SLC25A28: variants seen among roughly 807,000 people sequenced by gnomAD.
The protein encoded by SLC25A28 is mitoferrin-2.
SLC25A28 carries 10 observed loss-of-function variants against 31.9 expected under a neutral mutation model. The ratio of observed to expected loss-of-function variants is 0.31; its 90% CI spans 0.19 to 0.53. SLC25A28 has a LOEUF of 0.53. Ranked by LOEUF, SLC25A28 falls within the 20% of genes least tolerant of loss-of-function variation. The probability of loss-of-function intolerance (pLI) is 0.95; values close to 1 mark genes in which losing one functional copy is unlikely to be tolerated. For missense variants in SLC25A28, 256 were observed against 490.3 expected (o/e 0.52, Z 4.51); for synonymous variants, 208 against 203.6 (o/e 1.02, Z -0.19).
chr10:99,622,040 C>G (rs1432073888), upstream of SLC25A28: 3 of 152,268 alleles, frequency 2.0e-5, no homozygotes, highest in Non-Finnish European at 4.4e-5. Flanking sequence ...CTCTCCCTGG[C>G]CGGCGCAGTG....
the SLC25A28 span, among the ~76,000 whole-genome samples, chr10:99,656,389 C>G: frequency 1.3e-5 from 2 of 152,144 alleles, no homozygotes; most frequent in Non-Finnish European, 2.9e-5. Flanking sequence ...TAGGATGACT[C>G]CCATACAGGT....
intron 1 of SLC25A28, chr10:99,619,149 TA>T (rs2034726533): frequency 3.0e-5 from 30 of 985,442 alleles, no homozygotes; most frequent in Non-Finnish European, 3.5e-5. Context: ...TCAGTACACA[TA>T]AATCATCCTG....
the SLC25A28 span, among the ~76,000 whole-genome samples, chr10:99,638,377 T>A: frequency 4.6e-5 from 7 of 152,178 alleles, no homozygotes; most frequent in African/African-American, 1.4e-4. Context: ...GACATTGGCT[T>A]AGGCAAGGAT....
chr10:99,618,271 T>C (rs1589998263), intron 1 of SLC25A28: 1 of 983,148 alleles, frequency 1.0e-6, no homozygotes, highest in Non-Finnish European at 1.2e-6. Flanking sequence ...CGTTCTGTTA[T>C]AATGGAACAG....
chr10:99,619,960 G>T, intron 1 of SLC25A28, 85 bp downstream of exon 1: 1 of 1,371,134 alleles, frequency 7.3e-7, no homozygotes, highest in South Asian at 1.5e-5. Context: ...GTCGGCTCCG[G>T]CTCTCAGCCG....
the SLC25A28 span, among the ~76,000 whole-genome samples, chr10:99,658,678 A>G: frequency 1.2e-4 from 18 of 152,058 alleles, no homozygotes; most frequent in Admixed American, 9.8e-4. Flanking sequence ...GGAGCGTGGT[A>G]AGGAAGGCAA....
chr10:99,631,895 T>TTTA, the SLC25A28 span, among the ~76,000 whole-genome samples: 4 of 111,674 alleles, frequency 3.6e-5, no homozygotes, highest in Admixed American at 9.3e-5. Flanking sequence ...TTTTTTATTT[T>TTTA]TTTTTTTTTT....
the SLC25A28 span, among the ~76,000 whole-genome samples, chr10:99,645,697 G>A: frequency 6.6e-6 from 1 of 152,094 alleles, no homozygotes; most frequent in African/African-American, 2.4e-5. Context: ...TGGTTTTATC[G>A]ACCTTTGGTT....
At chr10:99,618,033 T>C (rs367721469) in intron 1 of SLC25A28, among the ~76,000 whole-genome samples, 2 of 152,216 alleles carry the variant, frequency 1.3e-5, no homozygotes, top group African/African-American at 4.8e-5. Flanking sequence ...CCACCTTATT[T>C]TGATGCCAAG....
Position 99,613,085 on chromosome 10 carries a change from C to T in SLC25A28, c.521-486G>A, listed in dbSNP as rs577809123. On this transcript the variant is annotated intron_variant, in intron 2 of 3. Transcript: ENST00000370495. The surrounding 1 kb of genome is among the most constrained non-coding windows in gnomAD (Gnocchi z 4.9). ...TTCGTTCAGGTCCTGAACTACTCTA[C>T]CCCTCATCCTCTCCACACTCAACTT... 4.3e-4 allele frequency among the ~76,000 whole-genome samples: 66 copies of T among 152,288 alleles called. No homozygotes were observed. The highest frequency in any genetic ancestry group is 7.5e-4 in the Non-Finnish European group (51 of 68,014).
At chr10:99,617,349 A>G (rs938750461) in intron 1 of SLC25A28, 1 of 985,328 alleles carries the variant, frequency 1.0e-6, no homozygotes, top group Non-Finnish European at 1.2e-6. Flanking sequence ...TCTCAAGGAT[A>G]TTTAAAGTCA....
Position 99,612,548 on chromosome 10 carries a change from G to A in SLC25A28, c.572C>T (p.Ala191Val), listed in dbSNP as rs199663756. ...ATAGGTTGAGGAATCATTACCTTCC[G>A]CAGGGTTCATGGCTGCATCATGAAG... is the stretch of plus-strand genomic sequence containing the variant. ...TLLHDAAMNP[A>V]EVVKQRMQMY... Residue 191 changes from alanine (A) to valine (V), a missense_variant, in exon 3 of 4, where the codon GCG becomes GTG. By Grantham distance (64) the Ala-to-Val change is moderately conservative (BLOSUM62 0). This residue lies in a region of SLC25A28 where 158 missense variants were observed against 379.1 expected (regional missense o/e 0.42). Transcript: ENST00000370495. 96 of 1,613,972 alleles carry A rather than the reference G, an allele frequency of 5.9e-5. No homozygotes were observed. The highest frequency in any genetic ancestry group is 6.9e-5 in the Non-Finnish European group (82 of 1,180,002).
chr10:99,619,997 G>C, intron 1 of SLC25A28, 48 bp downstream of exon 1: 1 of 1,514,570 alleles, frequency 6.6e-7, no homozygotes, highest in Non-Finnish European at 8.8e-7. Flanking sequence ...CAAGACCCAG[G>C]GGTCGGGTCA....
chr10:99,647,233 C>A, the SLC25A28 span, among the ~76,000 whole-genome samples: 1 of 152,164 alleles, frequency 6.6e-6, no homozygotes, highest in Non-Finnish European at 1.5e-5. Flanking sequence ...TTTAAGAAAT[C>A]TCCATACTGT....
the SLC25A28 span, among the ~76,000 whole-genome samples, chr10:99,632,556 T>C: frequency 1.3e-5 from 2 of 152,216 alleles, no homozygotes; most frequent in African/African-American, 2.4e-5. Flanking sequence ...ATTATTACTA[T>C]TATTATAATG....
upstream of SLC25A28, among the ~76,000 whole-genome samples, chr10:99,624,503 C>T (rs886996222): frequency 8.5e-5 from 13 of 152,150 alleles, no homozygotes; most frequent in African/African-American, 1.4e-4. Context: ...TACACACTGT[C>T]GTACATCTCA....
the SLC25A28 span, among the ~76,000 whole-genome samples, chr10:99,641,727 T>A: frequency 1.3e-5 from 2 of 152,244 alleles, no homozygotes; most frequent in African/African-American, 4.8e-5. Context: ...TTAATCCATA[T>A]TGAATTAATT....
At chr10:99,621,617 CT>C (rs1440551075), upstream of SLC25A28, 1 of 152,318 alleles carries the variant, frequency 6.6e-6, no homozygotes, top group Non-Finnish European at 1.5e-5. Flanking sequence ...GCCTTAGGAC[CT>C]CCTGCTCTAG....
At chr10:99,630,874 C>A in the SLC25A28 span, among the ~76,000 whole-genome samples, 1 of 151,924 alleles carries the variant, frequency 6.6e-6, no homozygotes, top group Non-Finnish European at 1.5e-5. Flanking sequence ...GTTAAGGGGA[C>A]CTAACTTAGC....
Sources: allele counts gnomAD v4.1 joint callset (sites outside exome capture counted in the v4.1 genomes callset), GRCh38; gene constraint gnomAD v4.1.1; regional missense constraint gnomAD v4.1.1; non-coding constraint Gnocchi (gnomAD v3.1); transcripts MANE v1.5; gene names NCBI Gene and HGNC (gene_info 2026-07-23, HGNC 2026-07-21).